The following PTPRB variants were observed in gnomAD, a reference collection of about 807,000 sequenced individuals.
PTPRB encodes the protein protein tyrosine phosphatase receptor type B.
In PTPRB, 97 loss-of-function variants were observed where a neutral mutation model predicts 238.1. That is an observed-to-expected ratio of 0.41 (90% CI 0.35 to 0.48). The LOEUF is 0.48. Among genes scored for constraint, PTPRB ranks in the 20% least tolerant of loss-of-function variants. The pLI is 0.30. For synonymous variants in PTPRB, 970 were observed against 995.4 expected, an observed-to-expected ratio of 0.97 and a Z score of 0.48; for missense variants, 2,292 against 2,681.9, an observed-to-expected ratio of 0.85 and a Z score of 3.21.
chr12:70,516,927 C>T lies in PTPRB; in HGVS notation c.*4562G>A, dbSNP rs1871238515. ...GACAATCTTTTAAAAAATAAAATGC[C>T]TTATTTGTGTTGCATACATTTATTC... is the stretch of plus-strand genomic sequence containing the variant. On this transcript the variant is annotated 3_prime_UTR_variant, in exon 34 of 34. Coordinates refer to ENST00000334414, the MANE Select transcript of PTPRB (RefSeq NM_001109754.4). The T allele has an allele frequency of 6.6e-6, 1 of 152,112 alleles. No homozygotes were observed. The highest frequency in any genetic ancestry group is 2.1e-4 in the South Asian group (1 of 4,820). 9.4% of individuals were successfully genotyped at this position (152,112 alleles called of 1,614,324 possible).
At chr12:70,591,923 A>T in intron 7 of PTPRB, 1 of 265,420 alleles carries the variant, frequency 3.8e-6, no homozygotes, top group Non-Finnish European at 7.3e-6. Flanking sequence ...TAGATAAGTG[A>T]GGACATAAAT....
intron 15 of PTPRB, among the ~76,000 whole-genome samples, chr12:70,564,744 G>A (rs2136345139): frequency 6.6e-6 from 1 of 151,110 alleles, no homozygotes; most frequent in Middle Eastern, 3.5e-3. Context: ...GAGATGGGAG[G>A]ATTGTTTGAG....
chr12:70,586,239 G>T (rs975562091), intron 9 of PTPRB, among the ~76,000 whole-genome samples: 2 of 152,120 alleles, frequency 1.3e-5, no homozygotes, highest in East Asian at 3.9e-4. Context: ...TTCCACAATG[G>T]TTGAAATAGT....
In PTPRB at chr12:70,614,979, T is replaced by C. The variant is rs528775611; in HGVS notation, c.709-5640A>G. Among the ~76,000 whole-genome samples the C allele has an allele frequency of 7.2e-5, 11 of 152,256 alleles. No homozygotes were observed. The South Asian group carries it at 2.1e-3, about 29-fold the overall frequency. ...AATTTTTCTAGCTAAACTTCCTAGA[T>C]CATAGGTCTCCAGGAAAATGGAAAT... On this transcript the variant is annotated intron_variant, in intron 3 of 33. Coordinates refer to ENST00000334414, the MANE Select transcript of PTPRB (RefSeq NM_001109754.4).
At chr12:70,531,929 A>G in intron 32 of PTPRB, 106 bp downstream of exon 32, 1 of 1,296,118 alleles carries the variant, frequency 7.7e-7, no homozygotes, top group Middle Eastern at 2.1e-4. Context: ...TCTCTTCCTA[A>G]TGTGTCATAG....
Position 70,617,742 on chromosome 12 carries a change from T to C in PTPRB, c.708+4648A>G, listed in dbSNP as rs983600274. Among the ~76,000 whole-genome samples the C allele has an allele frequency of 3.3e-5, 5 of 152,078 alleles. No homozygotes were observed. The East Asian group carries it at 9.7e-4, about 29-fold the overall frequency. On this transcript the variant is annotated intron_variant, in intron 3 of 33. Coordinates refer to ENST00000334414, the MANE Select transcript of PTPRB (RefSeq NM_001109754.4). ...TGGAGACTCACACTGGGCTGTGATC[T>C]CTTTGAAGGCCAAATAGAAGGAAAC... is the stretch of plus-strand genomic sequence containing the variant.
Position 70,590,150 on chromosome 12 carries a change from C to A in PTPRB, c.1864G>T (p.Asp622Tyr). 1 of 1,613,486 alleles carries A rather than the reference C, an allele frequency of 6.2e-7. No homozygotes were observed. The highest frequency in any genetic ancestry group is 8.5e-7 in the Non-Finnish European group (1 of 1,179,654). Residue 622 changes from aspartate (D) to tyrosine (Y), a missense_variant, in exon 8 of 34, where the codon GAC becomes TAC. Asp to Tyr is a radical substitution (Grantham distance 160, BLOSUM62 -3). Around this residue, in one of 4 missense-constraint regions of PTPRB, gnomAD observed 1,205 missense variants for 1,287.8 expected, o/e 0.94. Transcript: ENST00000334414. ...LVVSWSPPAG[D>Y]WEQYRILLFN... Reference sequence around the variant, plus strand: ...AGTAGGATCCGATACTGCTCCCAGTCTCCAGCAGGGGGCGACCAGCTCACT... The same window carrying A: ...AGTAGGATCCGATACTGCTCCCAGTATCCAGCAGGGGGCGACCAGCTCACT...
In PTPRB at chr12:70,569,675, C is replaced by G. The variant is rs1879778954; in HGVS notation, c.3634G>C (p.Val1212Leu). 1 of 1,613,732 alleles carries G rather than the reference C, an allele frequency of 6.2e-7. No homozygotes were observed. Among genetic ancestry groups the G allele is most frequent in the African/African-American group, 1.3e-5 (1 of 75,030 alleles). Residue 1212 changes from valine (V) to leucine (L), a missense_variant and splice_region_variant, in exon 14 of 34, where the codon GTT becomes CTT. This residue lies in a region of PTPRB where 683 missense variants were observed against 862.0 expected (regional missense o/e 0.79). Coordinates refer to ENST00000334414, the MANE Select transcript of PTPRB (RefSeq NM_001109754.4). ...KNQINVVGRT[V>L]PASVQGVIAD... Reference sequence around the variant, plus strand: ...AGCCCTTCTCCAGGTGGATGCTTACCTGTCCGCCCAACCACATTTATCTGA... The same window carrying G: ...AGCCCTTCTCCAGGTGGATGCTTACGTGTCCGCCCAACCACATTTATCTGA...
At position 70,633,470 on chromosome 12, in the gene PTPRB, C is replaced by T. The variant is rs117555829; in HGVS notation, c.451+2201G>A. On this transcript the variant is annotated intron_variant, in intron 2 of 33. Transcript: ENST00000334414. ...ACAAAAACCAAAGAAAAAACAAAAA[C>T]AAAAAGAAAAAACCCCACAATGGCA... 2.2e-3 allele frequency among the ~76,000 whole-genome samples: 327 copies of T among 151,970 alleles called. 1 individual carries two copies. The highest frequency in any genetic ancestry group is 3.9e-3 in the Non-Finnish European group (263 of 67,930).
chr12:70,530,618 G>T (rs1048353248), intron 32 of PTPRB, among the ~76,000 whole-genome samples: 1 of 152,190 alleles, frequency 6.6e-6, no homozygotes, highest in African/African-American at 2.4e-5. Context: ...TAAGGTCATG[G>T]GGTAGGGGAA....
chr12:70,524,849 ATGTGTGTATATG>A (rs1315396411), intron 32 of PTPRB, among the ~76,000 whole-genome samples: 1 of 133,498 alleles, frequency 7.5e-6, no homozygotes, highest in African/African-American at 3.6e-5. Flanking sequence ...GTGTGTATAT[ATGTGTGTATATG>A]TGTGTATATA....
Position 70,622,616 on chromosome 12 carries a change from C to A in PTPRB, c.482G>T (p.Ser161Ile). 1 of 1,579,656 alleles carries A rather than the reference C, an allele frequency of 6.3e-7. No homozygotes were observed. The highest frequency in any genetic ancestry group is 1.7e-4 in the Middle Eastern group (1 of 6,016). Reference sequence around the variant, plus strand: ...CTGGGGTGGAGCCGTGTTTCTAGTGCTCCTCACCGAAACTTCTGCTCCCAG... The same window carrying A: ...CTGGGGTGGAGCCGTGTTTCTAGTGATCCTCACCGAAACTTCTGCTCCCAG... ...AGLGAEVSVR[S>I]TRNTAPPQIL... Residue 161 changes from serine to isoleucine, a missense_variant, in exon 3 of 34, where the codon AGC becomes ATC. Physicochemically the swap from Ser to Ile is moderately radical, Grantham distance 142 (BLOSUM62 -2). This residue lies in a region of PTPRB where 1,205 missense variants were observed against 1,287.8 expected (regional missense o/e 0.94). Coordinates refer to ENST00000334414, the MANE Select transcript of PTPRB (RefSeq NM_001109754.4).
chr12:70,587,115 C>T lies in PTPRB; in HGVS notation c.2203G>A (p.Ala735Thr). ...AGGTCAGTAAAAGTGAATTCTTTGG[C>T]ATCTTTGGAGAGTGACTTGTGGATC... ...LLIHKSLSKDAKEFTFTDLVP... is the reference protein window; with the variant it reads ...LLIHKSLSKDTKEFTFTDLVP... The change falls in exon 9 of 34, where the codon GCC becomes ACC. Residue 735 changes from alanine to threonine, a missense_variant. By Grantham distance (58) the Ala-to-Thr change is moderately conservative. Around this residue, in one of 4 missense-constraint regions of PTPRB, gnomAD observed 1,205 missense variants for 1,287.8 expected, o/e 0.94. Transcript: ENST00000334414. The T allele has an allele frequency of 6.2e-7, 1 of 1,613,934 alleles. No individual in the cohort carries two copies. The highest frequency in any genetic ancestry group is 8.5e-7 in the Non-Finnish European group (1 of 1,179,850).
intron 4 of PTPRB, among the ~76,000 whole-genome samples, chr12:70,607,686 G>A (rs1030932816): frequency 2.6e-5 from 4 of 151,396 alleles, no homozygotes; most frequent in Admixed American, 6.6e-5. Context: ...ACAGGCGCCC[G>A]CCACCACACC....
chr12:70,557,896 G>A (rs531167061), intron 18 of PTPRB, among the ~76,000 whole-genome samples: 1 of 152,312 alleles, frequency 6.6e-6, no homozygotes, highest in East Asian at 1.9e-4. Flanking sequence ...ACTGTGGCCC[G>A]AGAGGGGTGC....
chr12:70,561,440 G>A (rs1475828165), intron 16 of PTPRB, among the ~76,000 whole-genome samples: 1 of 152,138 alleles, frequency 6.6e-6, no homozygotes, highest in Non-Finnish European at 1.5e-5. Flanking sequence ...TCCTATCACT[G>A]TATAGATTAG....
intron 20 of PTPRB, among the ~76,000 whole-genome samples, chr12:70,554,431 G>C (rs919485548): frequency 6.6e-6 from 1 of 152,174 alleles, no homozygotes; most frequent in Non-Finnish European, 1.5e-5. Flanking sequence ...ATACATATAT[G>C]GACAGGTGTG....
At chr12:70,635,602 A>C in intron 2 of PTPRB, 69 bp downstream of exon 2, 1 of 1,511,148 alleles carries the variant, frequency 6.6e-7, no homozygotes, top group Non-Finnish European at 8.9e-7. Flanking sequence ...ACAAACAAAC[A>C]AACAAACAAA....
chr12:70,586,288 TCCA>T (rs1220290626), intron 9 of PTPRB, among the ~76,000 whole-genome samples: 4 of 152,198 alleles, frequency 2.6e-5, no homozygotes, highest in African/African-American at 9.6e-5. Flanking sequence ...TTCGTATCTC[TCCA>T]CATCCTCTCC....
Sources: gnomAD v4.1 joint callset for allele counts (sites outside exome capture counted in the v4.1 genomes callset) on GRCh38, gnomAD v4.1.1 for gene constraint, gnomAD v4.1.1 regional missense constraint, MANE v1.5 for transcripts, NCBI Gene and HGNC (gene_info 2026-07-23, HGNC 2026-07-21) for gene names.